Variants in KIF13A observed in about 807,000 individuals in gnomAD.
KIF13A encodes the protein kinesin family member 13A, also known as kinesin-like protein KIF13A.
In KIF13A, 79 loss-of-function variants were observed where a neutral mutation model predicts 212.2. The observed-to-expected ratio is 0.37, with a 90% CI of 0.31 to 0.45. The LOEUF is 0.45. KIF13A is among the 20% of genes least tolerant of loss of function. The pLI, the probability that KIF13A is intolerant of heterozygous loss-of-function variation, is 1.00. For missense variants in KIF13A, 1,901 were observed against 2,209.0 expected (o/e 0.86, Z 2.79); for synonymous variants, 789 against 808.6 (o/e 0.98, Z 0.41).
intron 22 of KIF13A, among the ~76,000 whole-genome samples, chr6:17,797,972 AC>A (rs1259315400): frequency 1.3e-5 from 2 of 152,130 alleles, no homozygotes; most frequent in African/African-American, 4.8e-5. Context: ...GTGGCAAATC[AC>A]CCAGAAAAAC....
At chr6:17,945,386 T>C (rs1469649108) in intron 2 of KIF13A, among the ~76,000 whole-genome samples, 1 of 152,118 alleles carries the variant, frequency 6.6e-6, no homozygotes, top group Non-Finnish European at 1.5e-5. Context: ...AACAAGAGGA[T>C]TGTTTCTAGG....
At position 17,768,166 on chromosome 6, in the gene KIF13A, T is replaced by TTA. The variant is rs964128210; in HGVS notation, c.4581+2946_4581+2947dup. Among the ~76,000 whole-genome samples, 20 of 152,240 alleles carry TTA rather than the reference T, an allele frequency of 1.3e-4. No individual in the cohort carries two copies. Among genetic ancestry groups the TTA allele is most frequent in the African/African-American group, 4.8e-4 (20 of 41,466 alleles). On this transcript the variant is annotated intron_variant, in intron 38 of 38. Coordinates refer to ENST00000259711, the MANE Select transcript of KIF13A (RefSeq NM_022113.6). This position sits in a 1 kb window ranked among gnomAD's most constrained non-coding sequence, Gnocchi z 5.4. The stretch of plus-strand genomic sequence containing the variant: ...TTTGAGGGAGTTTGGTTTAGATTTT[T>TTA]TATACCAGAAATCTCATTTCTCATC...
At chr6:17,869,389 C>T (rs1769789296) in intron 4 of KIF13A, among the ~76,000 whole-genome samples, 1 of 152,182 alleles carries the variant, frequency 6.6e-6, no homozygotes, top group South Asian at 2.1e-4. Context: ...TTCCTCCTCC[C>T]TAAGTCGCCA....
intron 16 of KIF13A, among the ~76,000 whole-genome samples, chr6:17,822,657 G>A (rs780474962): frequency 2.6e-5 from 4 of 152,278 alleles, no homozygotes; most frequent in South Asian, 2.1e-4. Context: ...TGTAACGTCC[G>A]CTGAAGCAAT....
rs1761364626 is a variant in KIF13A at position 17,789,643 on chromosome 6, C to A, written c.3261+229G>T. On this transcript the variant is annotated intron_variant, in intron 26 of 38. Transcript: ENST00000259711. This position sits in a 1 kb window ranked among gnomAD's most constrained non-coding sequence, Gnocchi z 4.8. ...CTTGCTTAGCAATAAGCCAGTAAAT[C>A]GAGATGGCATAGCAAAAAGGCAATA... Among the ~76,000 whole-genome samples, 1 of 152,024 alleles carries A rather than the reference C, an allele frequency of 6.6e-6. No homozygotes were observed. Among genetic ancestry groups the A allele is most frequent in the Admixed American group, 6.5e-5 (1 of 15,272 alleles).
Position 17,898,121 on chromosome 6 carries a change from T to C in KIF13A, c.159+47A>G, listed in dbSNP as rs1450061635. The C allele has an allele frequency of 1.3e-5, 21 of 1,590,092 alleles. No homozygotes were observed. The highest frequency in any genetic ancestry group is 1.8e-5 in the Non-Finnish European group (21 of 1,160,970). ...GGTTACAGTGATAAATCCTGGATTT[T>C]TGCACACTAAGCCAGTATACATGCC... On this transcript the variant is annotated intron_variant, in intron 3 of 38. Transcript: ENST00000259711. This position sits in a 1 kb window ranked among gnomAD's most constrained non-coding sequence, Gnocchi z 5.2.
chr6:17,864,174 A>G (rs1291523947), intron 4 of KIF13A, among the ~76,000 whole-genome samples: 2 of 152,176 alleles, frequency 1.3e-5, no homozygotes, highest in African/African-American at 2.4e-5. Context: ...CAAATCCAAG[A>G]GGCCTGTGAC....
At position 17,773,493 on chromosome 6, in the gene KIF13A, G is replaced by T. The variant is rs761162305; in HGVS notation, c.4309C>A (p.Arg1437=). The change falls in exon 36 of 39, where the codon CGA becomes AGA. Residue 1437 remains arginine (R), a synonymous_variant. Coordinates refer to ENST00000259711, the MANE Select transcript of KIF13A (RefSeq NM_022113.6). The surrounding 1 kb of genome is among the most constrained non-coding windows in gnomAD (Gnocchi z 4.2). ...CYGTLPRDSP[R]RNKEGCTSET... ...TCACCACTACCTTCTTTATTCCTTC[G>T]AGGAGAATCCCTGGGTAAAGTTCCA... is the stretch of plus-strand genomic sequence containing the variant. 6.3e-7 allele frequency: 1 copy of T among 1,592,070 alleles called. No individual in the cohort carries two copies. The highest frequency in any genetic ancestry group is 8.6e-7 in the Non-Finnish European group (1 of 1,160,888).
chr6:17,805,406 TG>T, intron 19 of KIF13A, 68 bp downstream of exon 19: 11 of 959,374 alleles, frequency 1.1e-5, no homozygotes, highest in African/African-American at 1.7e-5. Context: ...TGTGTGTGTG[TG>T]TTGCTAAATC....
intron 2 of KIF13A, among the ~76,000 whole-genome samples, chr6:17,908,645 T>A (rs922992699): frequency 7.9e-5 from 12 of 151,784 alleles, no homozygotes; most frequent in Admixed American, 2.6e-4. Context: ...CTTGTAATTT[T>A]AAAAAATGCT....
At position 17,837,931 on chromosome 6, in the gene KIF13A, C is replaced by T. The variant is rs1021927623; in HGVS notation, c.831-348G>A. Among the ~76,000 whole-genome samples the T allele has an allele frequency of 1.3e-5, 2 of 151,734 alleles. No homozygotes were observed. The highest frequency in any genetic ancestry group is 4.8e-5 in the African/African-American group (2 of 41,278). On this transcript the variant is annotated intron_variant, in intron 9 of 38. Coordinates refer to ENST00000259711, the MANE Select transcript of KIF13A (RefSeq NM_022113.6). The surrounding 1 kb of genome is among the most constrained non-coding windows in gnomAD (Gnocchi z 5.4). ...CTGTGCCACTGCACTGCAGCCTGGG[C>T]GACAGAGTGAGACTCTTTCAAAAAA...
chr6:17,957,748 A>G (rs1778466551), intron 2 of KIF13A, among the ~76,000 whole-genome samples: 1 of 152,310 alleles, frequency 6.6e-6, no homozygotes, highest in Admixed American at 6.5e-5. Flanking sequence ...ACATTTGGCC[A>G]CAGAAGTCTT....
At chr6:17,881,337 G>A (rs1476706414) in intron 3 of KIF13A, 2 of 335,908 alleles carry the variant, frequency 6.0e-6, no homozygotes, top group Non-Finnish European at 1.1e-5. Context: ...TATATAATCT[G>A]AGGTAATGAA....
intron 3 of KIF13A, among the ~76,000 whole-genome samples, chr6:17,889,447 T>A (rs535437015): frequency 6.6e-4 from 100 of 152,262 alleles, no homozygotes; most frequent in African/African-American, 2.1e-3. Context: ...AAACCGTACA[T>A]GAAATTATAA....
rs1022266979 is a variant in KIF13A, at chr6:17,772,987, T to C, written c.4324+491A>G. Among the ~76,000 whole-genome samples, 1 of 152,212 alleles carries C rather than the reference T, an allele frequency of 6.6e-6. No individual in the cohort carries two copies. The highest frequency in any genetic ancestry group is 1.5e-5 in the Non-Finnish European group (1 of 68,034). On this transcript the variant is annotated intron_variant, in intron 36 of 38. Coordinates refer to ENST00000259711, the MANE Select transcript of KIF13A (RefSeq NM_022113.6). The surrounding 1 kb of genome is among the most constrained non-coding windows in gnomAD (Gnocchi z 4.8). The stretch of plus-strand genomic sequence containing the variant: ...GGTATAAGGTAACAGAACCGATATA[T>C]ATGGCCAAAGAATACTGTTCCCATT...
chr6:17,951,527 T>C lies in KIF13A; in HGVS notation c.146+35527A>G, dbSNP rs1012679189. ...GTCCAATTCAGTGATTTTTAGCATA[T>C]TCACAGAGTTATGTGGCTATCACCA... On this transcript the variant is annotated intron_variant, in intron 2 of 38. Coordinates refer to ENST00000259711, the MANE Select transcript of KIF13A (RefSeq NM_022113.6). The surrounding 1 kb of genome is among the most constrained non-coding windows in gnomAD (Gnocchi z 4.9). 1 of 429,576 alleles carries C rather than the reference T, an allele frequency of 2.3e-6. No homozygotes were observed. Among genetic ancestry groups the C allele is most frequent in the African/African-American group, 2.0e-5 (1 of 48,938 alleles). 26.6% of individuals were successfully genotyped at this position (429,576 alleles called of 1,614,324 possible). A position where few individuals can be genotyped will look rare whatever the true frequency, so the allele number is the denominator to read the frequency against.
intron 25 of KIF13A, among the ~76,000 whole-genome samples, chr6:17,790,144 G>A (rs537558308): frequency 1.3e-5 from 2 of 152,220 alleles, no homozygotes; most frequent in Non-Finnish European, 2.9e-5. Context: ...GCTCATGCCC[G>A]TAATCCCAAC....
chr6:17,833,929 C>G, intron 12 of KIF13A, 32 bp downstream of exon 12: 2 of 1,125,964 alleles, frequency 1.8e-6, no homozygotes, highest in Admixed American at 5.4e-5. Context: ...GAAAAAGAAT[C>G]CCAATATTTT....
rs183141658 is a variant in KIF13A, at chr6:17,779,554, G to A, written c.3939+38C>T. 117 of 924,720 alleles carry A rather than the reference G, an allele frequency of 1.3e-4. No homozygotes were observed. In the African/African-American group the frequency reaches 1.5e-3, roughly 12 times the overall value. The allele number at this position is 924,720 out of a possible 1,614,324, so 57.3% of individuals were successfully genotyped here. On this transcript the variant is annotated intron_variant, in intron 32 of 38. Transcript: ENST00000259711. ...CTCAAAGTGCTGGGATTACAGGCAT[G>A]AGCCACTGCGCCCGGCCTAAAGTAG...
Sources: gnomAD v4.1 joint callset for allele counts (sites outside exome capture counted in the v4.1 genomes callset) on GRCh38, gnomAD v4.1.1 for gene constraint, Gnocchi (gnomAD v3.1) non-coding constraint, MANE v1.5 for transcripts, NCBI Gene and HGNC (gene_info 2026-07-23, HGNC 2026-07-21) for gene names.